TNNI3K: variants seen among roughly 807,000 people sequenced by gnomAD.
TNNI3K encodes the protein serine/threonine-protein kinase TNNI3K.
Under a neutral mutation model 114.5 loss-of-function variants are expected in TNNI3K, and 140 were observed. The observed-to-expected ratio is 1.22, with a 90% CI of 1.07 to 1.41. TNNI3K has a LOEUF of 1.41. Ranked by LOEUF, TNNI3K falls within the 40% of genes most tolerant of loss-of-function variation. The pLI is 0.00. For synonymous variants in TNNI3K, 347 were observed against 347.5 expected (o/e 1.00, Z 0.02); for missense variants, 1,125 against 1,007.6 (o/e 1.12, Z -1.58).
chr1:74,285,850 A>T (rs957283561), intron 5 of TNNI3K, among the ~76,000 whole-genome samples: 10 of 152,230 alleles, frequency 6.6e-5, no homozygotes, highest in Admixed American at 5.9e-4. Context: ...AGCAATTTTC[A>T]TGAATAACTT....
chr1:74,314,684 C>T (rs1004916117), intron 5 of TNNI3K, among the ~76,000 whole-genome samples: 4 of 152,058 alleles, frequency 2.6e-5, no homozygotes, highest in African/African-American at 4.8e-5. Flanking sequence ...TGAAAATGTT[C>T]TTAATAGAGA....
chr1:74,287,858 A>G (rs573881947), intron 5 of TNNI3K, among the ~76,000 whole-genome samples: 1 of 152,294 alleles, frequency 6.6e-6, no homozygotes, highest in East Asian at 1.9e-4. Context: ...TACTCGAAAT[A>G]TATAAGGAAT....
At chr1:74,391,275 G>T (rs748313216) in intron 17 of TNNI3K, among the ~76,000 whole-genome samples, 4 of 152,104 alleles carry the variant, frequency 2.6e-5, no homozygotes, top group Non-Finnish European at 5.9e-5. Flanking sequence ...AATGTATTAG[G>T]GAGAAAAGGG....
chr1:74,444,577 G>T (rs1240702692), intron 20 of TNNI3K, among the ~76,000 whole-genome samples: 1 of 152,042 alleles, frequency 6.6e-6, no homozygotes, highest in African/African-American at 2.4e-5. Flanking sequence ...TGGAGAGAAA[G>T]AATCAACATC....
rs1405770712 is a variant in TNNI3K, at chr1:74,370,408, A to G, written c.1772+16A>G. On this transcript the variant is annotated intron_variant, in intron 17 of 24. Transcript: ENST00000326637. ...ACTTGAACAGGTATTTTTTTCCTAA[A>G]TAATGAACTCAGAAGGGTATGACTA... is the stretch of plus-strand genomic sequence containing the variant. 6.3e-7 allele frequency: 1 copy of G among 1,596,704 alleles called. No homozygotes were observed. Among genetic ancestry groups the G allele is most frequent in the Non-Finnish European group, 8.6e-7 (1 of 1,169,352 alleles).
intron 23 of TNNI3K, among the ~76,000 whole-genome samples, chr1:74,500,600 T>C (rs1164916578): frequency 3.8e-5 from 2 of 53,018 alleles, no homozygotes; most frequent in African/African-American, 1.3e-4. Flanking sequence ...CGAGACTCCG[T>C]CTCAAAAAAA....
At chr1:74,269,911 A>C (rs1557463505) in intron 4 of TNNI3K, among the ~76,000 whole-genome samples, 2 of 151,854 alleles carry the variant, frequency 1.3e-5, no homozygotes, top group Non-Finnish European at 2.9e-5. Context: ...AGAAACAAAG[A>C]ATAGGCAACA....
Position 74,492,097 on chromosome 1 carries a change from C to T in TNNI3K, c.2182C>T (p.Leu728=). The change falls in exon 23 of 25, where the codon CTG becomes TTG. Residue 728 remains leucine (L), a splice_region_variant and synonymous_variant. Transcript: ENST00000326637. ...KLEECLCNIE[L]MSPASSNSSG... ...TTGAAATTGCCCCTCCTCCACTCAG[C>T]TGATGTCTCCTGCATCAAGTAACAG... 1 of 1,560,376 alleles carries T rather than the reference C, an allele frequency of 6.4e-7. No individual in the cohort carries two copies. The highest frequency in any genetic ancestry group is 1.2e-5 in the South Asian group (1 of 82,574).
intron 5 of TNNI3K, among the ~76,000 whole-genome samples, chr1:74,289,484 GTGTCATTAGTCTTTTA>G (rs1657543725): frequency 1.5e-5 from 1 of 65,260 alleles, no homozygotes; most frequent in Admixed American, 1.6e-4. Context: ...CCCATAGGTA[GTGTCATTAGTCTTTTA>G]GGTCTGCATG....
chr1:74,353,250 T>C lies in TNNI3K; in HGVS notation c.933-16T>C, dbSNP rs1428134912. 2.5e-6 allele frequency: 4 copies of C among 1,604,258 alleles called. No individual in the cohort carries two copies. The highest frequency in any genetic ancestry group is 3.4e-6 in the Non-Finnish European group (4 of 1,177,082). ...AGGACCTTCTATCTTTCTTGTTTTA[T>C]GGTTTTTTTTTTCAGTGCTTGTACC... On this transcript the variant is annotated splice_polypyrimidine_tract_variant and intron_variant, in intron 9 of 24. Transcript: ENST00000326637.
intron 5 of TNNI3K, among the ~76,000 whole-genome samples, chr1:74,278,431 A>T (rs1173599905): frequency 6.6e-6 from 1 of 152,214 alleles, no homozygotes; most frequent in Non-Finnish European, 1.5e-5. Context: ...AGCTTTGGAC[A>T]TGATACACAG....
rs1210371195 is a variant in TNNI3K, at chr1:74,336,088, A to G, written c.621A>G (p.Ala207=). ...GEVGDRPLHL[A]SAKGFLNIAK... ...TTGGAGATAGACCCCTCCACCTAGC[A>G]TCTGCAAAAGGATTCTTGAATATTG... is the stretch of plus-strand genomic sequence containing the variant. The change falls in exon 7 of 25, where the codon GCA becomes GCG. Residue 207 remains alanine (A), a synonymous_variant. Coordinates refer to ENST00000326637, the MANE Select transcript of TNNI3K (RefSeq NM_015978.3). 1 of 1,604,596 alleles carries G rather than the reference A, an allele frequency of 6.2e-7. No individual in the cohort carries two copies. Among genetic ancestry groups the G allele is most frequent in the East Asian group, 2.2e-5 (1 of 44,602 alleles).
At chr1:74,425,859 G>C (rs1256258767) in intron 17 of TNNI3K, among the ~76,000 whole-genome samples, 2 of 152,042 alleles carry the variant, frequency 1.3e-5, no homozygotes, top group Non-Finnish European at 2.9e-5. Context: ...AAGGGTTAGA[G>C]CTAAAATAGC....
chr1:74,330,270 A>G (rs1305165607), intron 5 of TNNI3K, among the ~76,000 whole-genome samples: 1 of 152,114 alleles, frequency 6.6e-6, no homozygotes, highest in African/African-American at 2.4e-5. Context: ...TTTGCCTAAA[A>G]GAGGGACATA....
chr1:74,407,878 C>G (rs1295211898), intron 17 of TNNI3K, among the ~76,000 whole-genome samples: 1 of 152,136 alleles, frequency 6.6e-6, no homozygotes, highest in Non-Finnish European at 1.5e-5. Flanking sequence ...TTATGAAAAT[C>G]ACCTGCTCCT....
chr1:74,425,335 A>G (rs1218934712), intron 17 of TNNI3K, among the ~76,000 whole-genome samples: 5 of 152,146 alleles, frequency 3.3e-5, no homozygotes, highest in Non-Finnish European at 5.9e-5. Context: ...TGTTGAATAT[A>G]TAGAAAACCT....
Position 74,489,206 on chromosome 1 carries a change from T to C in TNNI3K, c.2139T>C (p.Ser713=). 6.2e-7 allele frequency: 1 copy of C among 1,611,758 alleles called. No individual in the cohort carries two copies. The highest frequency in any genetic ancestry group is 8.5e-7 in the Non-Finnish European group (1 of 1,179,036). Residue 713 remains serine, a synonymous_variant, in exon 22 of 25, where the codon TCT becomes TCC. Coordinates refer to ENST00000326637, the MANE Select transcript of TNNI3K (RefSeq NM_015978.3). ...NACPEGRPEF[S]EVVMKLEECL... ...ATTTACAGGGAAGACCCGAATTTTC[T>C]GAAGTTGTCATGAAGTTAGAAGAGT...
intron 23 of TNNI3K, 65 bp from the exon 24 acceptor site, chr1:74,540,169 T>C (rs1226256216): frequency 1.3e-6 from 2 of 1,557,258 alleles, no homozygotes; most frequent in African/African-American, 1.4e-5. Flanking sequence ...GGAAAAATTC[T>C]GTGTTTATAA....
chr1:74,308,491 C>T (rs1404302759), intron 5 of TNNI3K, among the ~76,000 whole-genome samples: 2 of 152,136 alleles, frequency 1.3e-5, no homozygotes, highest in Non-Finnish European at 2.9e-5. Flanking sequence ...ATCAAAACCT[C>T]TGGGCTTCAG....
Sources: gnomAD v4.1 joint callset for allele counts (sites outside exome capture counted in the v4.1 genomes callset) on GRCh38, gnomAD v4.1.1 for gene constraint, MANE v1.5 for transcripts, NCBI Gene and HGNC (gene_info 2026-07-23, HGNC 2026-07-21) for gene names.